QRICH2: variants seen among roughly 807,000 people sequenced by gnomAD.
QRICH2 encodes glutamine rich 2.
A neutral mutation model predicts 168.3 loss-of-function variants in QRICH2; 119 were observed. That is an observed-to-expected ratio of 0.71 (90% CI 0.61 to 0.82). The LOEUF (loss-of-function observed/expected upper bound fraction) is 0.82. Ranked by LOEUF, QRICH2 falls within the 40% of genes least tolerant of loss-of-function variation. The probability of loss-of-function intolerance (pLI) is 0.00; values close to 1 mark genes in which losing one functional copy is unlikely to be tolerated. For synonymous variants in QRICH2, 894 were observed against 951.2 expected (o/e 0.94, Z 1.11); for missense variants, 2,241 against 2,491.6 (o/e 0.90, Z 2.14).
rs2070906036 is a variant in QRICH2 at position 76,287,249 on chromosome 17, CCT to C, written c.3952_3953del (p.Arg1318GlyfsTer11). The part of the protein sequence containing the change: ...ELAELRESQD[R>X]GKAAMENSVS... Reference sequence around the variant, plus strand: ...CAGAATTTTCCATGGCAGCCTTGCCCCTGTCTTGGCTCTCCCTCAACTCGGCC... The same window carrying C: ...CAGAATTTTCCATGGCAGCCTTGCCCGTCTTGGCTCTCCCTCAACTCGGCC... On this transcript the variant is annotated frameshift_variant, in exon 7 of 19. Transcript: ENST00000680821. LOFTEE classifies it high-confidence loss of function. 1.7e-5 allele frequency: 28 copies of C among 1,614,060 alleles called. No individual in the cohort carries two copies. The highest frequency in any genetic ancestry group is 2.2e-5 in the Non-Finnish European group (26 of 1,179,978).
intron 17 of QRICH2, 69 bp from the exon 18 acceptor site, chr17:76,276,016 G>A: frequency 1.3e-6 from 2 of 1,568,450 alleles, no homozygotes; most frequent in South Asian, 2.2e-5. Flanking sequence ...ACCCCTGGGG[G>A]TGGGGAGAGG....
intron 3 of QRICH2, chr17:76,301,443 C>A: frequency 4.0e-6 from 1 of 249,568 alleles, no homozygotes. Flanking sequence ...TGGTACGCAC[C>A]TGTGGTCCCA....
At chr17:76,308,352 G>T (rs1212406705), upstream of QRICH2, 2 of 985,320 alleles carry the variant, frequency 2.0e-6, no homozygotes, top group African/African-American at 3.5e-5. Context: ...GGGGCGGGGG[G>T]AAGTAAAGGC....
rs1379077011 is a variant in QRICH2, at chr17:76,308,158, G to A, written c.-160C>T. On this transcript the variant is annotated 5_prime_UTR_variant, in exon 1 of 19. Coordinates refer to ENST00000680821, the MANE Select transcript of QRICH2 (RefSeq NM_001388453.1). The stretch of plus-strand genomic sequence containing the variant: ...ACTGGACAGAGCTCCTGCCTCCAGG[G>A]AATCTGCGCCTCCGCTCCCCGGCGG... 2.0e-6 allele frequency: 2 copies of A among 985,284 alleles called. No homozygotes were observed. Among genetic ancestry groups the A allele is most frequent in the Admixed American group, 6.1e-5 (1 of 16,274 alleles). The allele number at this position is 985,284 out of a possible 1,614,324, so 61.0% of individuals were successfully genotyped here. A position where few individuals can be genotyped will look rare whatever the true frequency, so the allele number is the denominator to read the frequency against.
intron 7 of QRICH2, among the ~76,000 whole-genome samples, chr17:76,285,879 A>G (rs1323080952): frequency 6.6e-6 from 1 of 151,840 alleles, no homozygotes; most frequent in Non-Finnish European, 1.5e-5. Context: ...CAACAAAAAA[A>G]CAACTTATTA....
chr17:76,302,656 C>T (rs1486992745), intron 3 of QRICH2, among the ~76,000 whole-genome samples: 1 of 152,144 alleles, frequency 6.6e-6, no homozygotes, highest in African/African-American at 2.4e-5. Flanking sequence ...ATTCTCCCCC[C>T]AGAGCTGCCA....
At position 76,293,036 on chromosome 17, in the gene QRICH2, C is replaced by A. The variant is rs942250324; in HGVS notation, c.1691G>T (p.Gly564Val). Reference protein sequence around the residue: ...SLEATGFIQPGTEQHDLIQSG... With the variant: ...SLEATGFIQPVTEQHDLIQSG... ...CTGGATCAAATCATGCTGCTCTGTG[C>A]CAGGTTGTATGAAGCCAGTTGCTTC... The change falls in exon 4 of 19, where the codon GGC becomes GTC. Residue 564 changes from glycine to valine, a missense_variant. Coordinates refer to ENST00000680821, the MANE Select transcript of QRICH2 (RefSeq NM_001388453.1). 1.2e-6 allele frequency: 2 copies of A among 1,614,118 alleles called. No homozygotes were observed. Among genetic ancestry groups the A allele is most frequent in the African/African-American group, 2.7e-5 (2 of 74,952 alleles).
intron 3 of QRICH2, among the ~76,000 whole-genome samples, chr17:76,302,957 C>G (rs2070929420): frequency 6.6e-6 from 1 of 151,758 alleles, no homozygotes; most frequent in Admixed American, 6.6e-5. Context: ...GATCTCAGCT[C>G]ACTGCAACCT....
intron 4 of QRICH2, 110 bp from the exon 5 acceptor site, chr17:76,290,187 T>A: frequency 2.8e-6 from 2 of 717,056 alleles, no homozygotes; most frequent in Non-Finnish European, 4.8e-6. Context: ...CAGCAGGACC[T>A]ATTACTTTAT....
At position 76,280,744 on chromosome 17, in the gene QRICH2, G is replaced by C. The variant is rs2070772471; in HGVS notation, c.4387-16C>G. The C allele has an allele frequency of 6.2e-7, 1 of 1,613,898 alleles. No homozygotes were observed. The highest frequency in any genetic ancestry group is 1.3e-5 in the African/African-American group (1 of 74,908). ...GGTACAGCATCTGGGGAGGCCAAGT[G>C]AACAGAGAAAAAAAGAGCCAGCAGC... On this transcript the variant is annotated splice_polypyrimidine_tract_variant and intron_variant, in intron 9 of 18. Transcript: ENST00000680821. The surrounding 1 kb of genome is among the most constrained non-coding windows in gnomAD (Gnocchi z 7.4).
chr17:76,278,213 G>A (rs2070725580), intron 14 of QRICH2, 24 bp from the exon 15 acceptor site: 1 of 1,597,928 alleles, frequency 6.3e-7, no homozygotes, highest in Non-Finnish European at 8.5e-7. Flanking sequence ...GCAGAACAGA[G>A]GGAGGGTTGG....
chr17:76,292,805 A>T lies in QRICH2; in HGVS notation c.1922T>A (p.Ile641Asn). 6.2e-7 allele frequency: 1 copy of T among 1,613,698 alleles called. No homozygotes were observed. Among genetic ancestry groups the T allele is most frequent in the Non-Finnish European group, 8.5e-7 (1 of 1,179,966 alleles). The change falls in exon 4 of 19, where the codon ATC (isoleucine) becomes AAC (asparagine). Residue 641 changes from isoleucine to asparagine, a missense_variant. By Grantham distance (149) the Ile-to-Asn change is moderately radical. Coordinates refer to ENST00000680821, the MANE Select transcript of QRICH2 (RefSeq NM_001388453.1). ...ATCATGCTGACCTGTGCCAGGCTGG[A>T]TCAAACCATGCTGATCTCTACCAGG... ...AQPGRDQHGL[I>N]QPGTGQHDLV...
chr17:76,310,398 G>C (rs1245623354), upstream of QRICH2: 1 of 151,976 alleles, frequency 6.6e-6, no homozygotes, highest in African/African-American at 2.4e-5. Context: ...TCAAACTCCT[G>C]ACCTCAGGTG....
chr17:76,308,406 G>C (rs941732192), upstream of QRICH2: 5 of 985,076 alleles, frequency 5.1e-6, no homozygotes, highest in African/African-American at 8.7e-5. Context: ...GGGCTGAGGA[G>C]GCCTCCTAAG....
At chr17:76,298,935 G>T (rs1304307096) in intron 3 of QRICH2, among the ~76,000 whole-genome samples, 1 of 152,032 alleles carries the variant, frequency 6.6e-6, no homozygotes, top group Non-Finnish European at 1.5e-5. Flanking sequence ...GTTTTTATTT[G>T]CTTTTGTAGC....
At position 76,287,914 on chromosome 17, in the gene QRICH2, T is replaced by A; in HGVS notation, c.3799-17A>T. 6.2e-7 allele frequency: 1 copy of A among 1,605,236 alleles called. No individual in the cohort carries two copies. Among genetic ancestry groups the A allele is most frequent in the Non-Finnish European group, 8.5e-7 (1 of 1,171,966 alleles). ...CCTTTCCACCTACAAACCCAGTGAATGAGGAGGGTCAGGCAGGCCTGAGCT... is the reference window on the plus strand; with the variant it reads ...CCTTTCCACCTACAAACCCAGTGAAAGAGGAGGGTCAGGCAGGCCTGAGCT... On this transcript the variant is annotated splice_polypyrimidine_tract_variant and intron_variant, in intron 5 of 18. Transcript: ENST00000680821.
intron 14 of QRICH2, 101 bp downstream of exon 14, chr17:76,278,939 CA>C: frequency 1.1e-6 from 1 of 937,718 alleles, no homozygotes; most frequent in South Asian, 1.4e-5. Flanking sequence ...TGCCTTCTGT[CA>C]CGTTCCGCTG....
chr17:76,287,161 T>C (rs1380339727), intron 7 of QRICH2, 31 bp downstream of exon 7: 1 of 1,512,842 alleles, frequency 6.6e-7, no homozygotes, highest in Non-Finnish European at 9.2e-7. Flanking sequence ...GGGCCCTTGG[T>C]CCCTGGAGCT....
At chr17:76,294,679 A>G (rs2143327852) in intron 3 of QRICH2, among the ~76,000 whole-genome samples, 1 of 151,098 alleles carries the variant, frequency 6.6e-6, no homozygotes, top group South Asian at 2.1e-4. Flanking sequence ...TGGGTGTGAT[A>G]GTGCATGCCT....
Sources: allele counts gnomAD v4.1 joint callset (sites outside exome capture counted in the v4.1 genomes callset), GRCh38; gene constraint gnomAD v4.1.1; non-coding constraint Gnocchi (gnomAD v3.1); transcripts MANE v1.5; gene names NCBI Gene and HGNC (gene_info 2026-07-23, HGNC 2026-07-21).